CFAP299: variants seen among roughly 807,000 people sequenced by gnomAD.
CFAP299 encodes cilia- and flagella-associated protein 299.
A neutral mutation model predicts 27.0 loss-of-function variants in CFAP299; 21 were observed. The ratio of observed to expected loss-of-function variants is 0.78; its 90% CI spans 0.55 to 1.12. The LOEUF (loss-of-function observed/expected upper bound fraction) is 1.12. Among genes scored for constraint, CFAP299 ranks in the 50% most tolerant of loss-of-function variants. CFAP299 has a pLI of 0.00. For missense variants in CFAP299, 310 were observed against 276.6 expected (o/e 1.12, Z -0.86); for synonymous variants, 104 against 98.1 (o/e 1.06, Z -0.36).
intron 3 of CFAP299, among the ~76,000 whole-genome samples, chr4:80,691,703 G>T (rs964782582): frequency 6.6e-6 from 1 of 151,586 alleles, no homozygotes; most frequent in Non-Finnish European, 1.5e-5. Flanking sequence ...GGGCAATCAG[G>T]CAGGAGAAGG....
chr4:80,821,942 A>G (rs1729730918), intron 3 of CFAP299, among the ~76,000 whole-genome samples: 1 of 151,954 alleles, frequency 6.6e-6, no homozygotes, highest in Non-Finnish European at 1.5e-5. Context: ...GAAGTCTACC[A>G]TGGACTCTCC....
At chr4:80,951,985 TATG>T (rs1232138238) in intron 5 of CFAP299, among the ~76,000 whole-genome samples, 1 of 152,152 alleles carries the variant, frequency 6.6e-6, no homozygotes, top group Non-Finnish European at 1.5e-5. Flanking sequence ...TTTGGATCAT[TATG>T]GGGGCCAGAG....
intron 3 of CFAP299, among the ~76,000 whole-genome samples, chr4:80,810,438 C>T (rs1164270929): frequency 6.6e-6 from 1 of 151,786 alleles, no homozygotes; most frequent in African/African-American, 2.4e-5. Context: ...AGGGTCTTTG[C>T]ATATATAATT....
chr4:80,744,501 C>T (rs1035887112), intron 3 of CFAP299, among the ~76,000 whole-genome samples: 9 of 152,096 alleles, frequency 5.9e-5, no homozygotes, highest in Non-Finnish European at 1.3e-4. Context: ...TAATGTGGTT[C>T]AGCCCCAAAA....
At chr4:80,711,068 G>T (rs997168319) in intron 3 of CFAP299, among the ~76,000 whole-genome samples, 2 of 152,128 alleles carry the variant, frequency 1.3e-5, no homozygotes, top group African/African-American at 2.4e-5. Flanking sequence ...GTCTGTAAAA[G>T]GTATAATTGC....
intron 2 of CFAP299, among the ~76,000 whole-genome samples, chr4:80,435,571 A>G (rs993591113): frequency 1.3e-5 from 2 of 152,194 alleles, no homozygotes; most frequent in Non-Finnish European, 2.9e-5. Flanking sequence ...GGCTACAAAA[A>G]CATTGCAATC....
intron 3 of CFAP299, among the ~76,000 whole-genome samples, chr4:80,843,301 A>G (rs1024235553): frequency 1.3e-5 from 2 of 151,912 alleles, no homozygotes; most frequent in Admixed American, 6.6e-5. Context: ...TCATTGTTCA[A>G]TTCCCACCTA....
At chr4:80,736,929 A>G (rs1436638659) in intron 3 of CFAP299, among the ~76,000 whole-genome samples, 1 of 152,154 alleles carries the variant, frequency 6.6e-6, no homozygotes, top group Non-Finnish European at 1.5e-5. Context: ...TCCAACAATG[A>G]TAGACTGGAT....
chr4:80,758,744 GT>G (rs1725393633), intron 3 of CFAP299, among the ~76,000 whole-genome samples: 1 of 152,092 alleles, frequency 6.6e-6, no homozygotes, highest in Non-Finnish European at 1.5e-5. Context: ...TTCCTAAAAT[GT>G]TTGTTCATTT....
chr4:80,570,427 A>G (rs1735527717), intron 2 of CFAP299, among the ~76,000 whole-genome samples: 1 of 152,100 alleles, frequency 6.6e-6, no homozygotes, highest in Non-Finnish European at 1.5e-5. Context: ...ACAAAACAAT[A>G]CAATATAAAT....
At chr4:80,455,552 C>A (rs1729102750) in intron 2 of CFAP299, among the ~76,000 whole-genome samples, 1 of 151,596 alleles carries the variant, frequency 6.6e-6, no homozygotes, top group African/African-American at 2.4e-5. Flanking sequence ...CAAGAATGAG[C>A]ACACAAGGAT....
At chr4:80,660,041 G>A (rs1214293818) in intron 3 of CFAP299, among the ~76,000 whole-genome samples, 1 of 152,054 alleles carries the variant, frequency 6.6e-6, no homozygotes, top group Non-Finnish European at 1.5e-5. Context: ...TTGAGCTCAG[G>A]AGATCTAAAA....
At chr4:80,811,097 AT>A (rs1303099113) in intron 3 of CFAP299, among the ~76,000 whole-genome samples, 1 of 152,122 alleles carries the variant, frequency 6.6e-6, no homozygotes, top group Non-Finnish European at 1.5e-5. Context: ...CAGTTGGTTT[AT>A]CCAAACCACC....
intron 3 of CFAP299, among the ~76,000 whole-genome samples, chr4:80,778,830 C>T (rs939764548): frequency 1.3e-5 from 2 of 152,042 alleles, no homozygotes; most frequent in Non-Finnish European, 2.9e-5. Flanking sequence ...GTCATTGACA[C>T]AATCCACCAA....
chr4:80,388,324 C>T (rs960693515), intron 2 of CFAP299: 2 of 685,300 alleles, frequency 2.9e-6, no homozygotes, highest in Non-Finnish European at 2.7e-6. Flanking sequence ...CCAAGATGTT[C>T]CCCTGGATCA....
At chr4:80,647,317 A>C (rs1740075278) in intron 3 of CFAP299, among the ~76,000 whole-genome samples, 1 of 152,188 alleles carries the variant, frequency 6.6e-6, no homozygotes, top group Admixed American at 6.6e-5. Flanking sequence ...AGTCTCAGAC[A>C]CATCTGTTTG....
intron 3 of CFAP299, among the ~76,000 whole-genome samples, chr4:80,861,517 G>A (rs1673594266): frequency 6.6e-6 from 1 of 152,146 alleles, no homozygotes; most frequent in African/African-American, 2.4e-5. Flanking sequence ...CATGCTGGGA[G>A]CTGTAGACTG....
At chr4:80,424,778 CA>C (rs1045436001) in intron 2 of CFAP299, among the ~76,000 whole-genome samples, 3 of 152,164 alleles carry the variant, frequency 2.0e-5, no homozygotes, top group Admixed American at 6.5e-5. Context: ...CTGGACGATA[CA>C]AAAAAATATA....
At chr4:80,453,556 T>C (rs1728995594) in intron 2 of CFAP299, among the ~76,000 whole-genome samples, 1 of 152,028 alleles carries the variant, frequency 6.6e-6, no homozygotes, top group Non-Finnish European at 1.5e-5. Context: ...AAAATAATCG[T>C]GTGGCCTGGT....
Sources: allele counts gnomAD v4.1 joint callset (sites outside exome capture counted in the v4.1 genomes callset), GRCh38; gene constraint gnomAD v4.1.1; transcripts MANE v1.5; gene names NCBI Gene and HGNC (gene_info 2026-07-23, HGNC 2026-07-21).